PROX2: variants seen among roughly 807,000 people sequenced by gnomAD.
PROX2 encodes prospero homeobox protein 2.
In PROX2, 46 loss-of-function variants were observed where a neutral mutation model predicts 48.9. The observed-to-expected ratio is 0.94, with a 90% confidence interval of 0.74 to 1.20. The LOEUF is 1.20. Ranked by LOEUF, PROX2 falls within the 50% of genes most tolerant of loss-of-function variation. The pLI, the probability that PROX2 is intolerant of heterozygous loss-of-function variation, is 0.00. For missense variants in PROX2, 663 were observed against 719.4 expected, an observed-to-expected ratio of 0.92 and a Z score of 0.90; for synonymous variants, 260 against 276.6, an observed-to-expected ratio of 0.94 and a Z score of 0.60.
At chr14:74,857,308 G>T (rs1479923372) in intron 4 of PROX2, 7 of 221,396 alleles carry the variant, frequency 3.2e-5, no homozygotes, top group Non-Finnish European at 6.3e-5. Context: ...GACCAGTGTG[G>T]TGCCAGATTT....
At chr14:74,873,684 A>G in intron 1 of PROX2, 1 of 375,854 alleles carries the variant, frequency 2.7e-6, no homozygotes, top group Admixed American at 3.0e-5. Flanking sequence ...AAAAAACAAA[A>G]TGAAGGAATT....
chr14:74,868,316 TATA>T, intron 2 of PROX2, among the ~76,000 whole-genome samples: 1 of 9,866 alleles, frequency 1.0e-4, no homozygotes, highest in Non-Finnish European at 1.8e-4. Context: ...CTCGTAATTA[TATA>T]TATATATATA....
At chr14:74,855,347 G>T in intron 5 of PROX2, 45 bp from the exon 6 acceptor site, 1 of 1,461,840 alleles carries the variant, frequency 6.8e-7, no homozygotes, top group Non-Finnish European at 9.2e-7. Context: ...ACGTGAGGTT[G>T]GGAAGCACTG....
intron 3 of PROX2, among the ~76,000 whole-genome samples, chr14:74,859,629 A>T (rs568484463): frequency 6.2e-4 from 94 of 152,242 alleles, no homozygotes; most frequent in Non-Finnish European, 1.1e-3. Flanking sequence ...ATTTTTAGGG[A>T]CAGTCCTTAG....
chr14:74,866,683 T>C (rs775160637), intron 2 of PROX2, among the ~76,000 whole-genome samples: 3 of 152,084 alleles, frequency 2.0e-5, no homozygotes, highest in African/African-American at 4.8e-5. Flanking sequence ...AAAAGCCTGA[T>C]TGACGTGGAT....
In PROX2 at chr14:74,863,276, C is replaced by A. The variant is rs1264059646; in HGVS notation, c.559G>T (p.Val187Phe). The change falls in exon 3 of 6, where the codon GTT becomes TTT. Residue 187 changes from valine (V) to phenylalanine (F), a missense_variant. Coordinates refer to ENST00000556489, the MANE Select transcript of PROX2 (RefSeq NM_001243007.2). ...QGNGCGPRPWVVDGDHQQGTS... is the reference protein window; with the variant it reads ...QGNGCGPRPWFVDGDHQQGTS... ...CCTTGCTGGTGGTCACCGTCCACAA[C>A]CCAGGGGCGAGGCCCACAGCCATTC... The A allele has an allele frequency of 6.2e-7, 1 of 1,613,828 alleles. No homozygotes were observed. Among genetic ancestry groups the A allele is most frequent in the Middle Eastern group, 1.6e-4 (1 of 6,084 alleles).
Position 74,868,828 on chromosome 14 carries a change from T to TC in PROX2, c.-175+2274dup, listed in dbSNP as rs756488796. 1.8e-3 allele frequency among the ~76,000 whole-genome samples: 204 copies of TC among 116,262 alleles called. 1 individual carries two copies. Among genetic ancestry groups the TC allele is most frequent in the Non-Finnish European group, 2.8e-3 (162 of 57,742 alleles). The allele number at this position is 116,262 out of a possible 152,430, so 76.3% of individuals were successfully genotyped here. On this transcript the variant is annotated intron_variant, in intron 2 of 5. Transcript: ENST00000556489. ...ACTCCAACCTGGGCGACAGCGAGAC[T>TC]CCGTCTCAAAAAAAAAAAAAATAAG...
rs966650962 is a variant in PROX2 at position 74,854,220 on chromosome 14, A to T, written c.*912T>A. ...CAATTGCAATGGTCAGCTGGAGACT[A>T]TTTGCATTATCCAGCTGATAAACTC... On this transcript the variant is annotated 3_prime_UTR_variant, in exon 6 of 6. Transcript: ENST00000556489. 2.2e-6 allele frequency: 1 copy of T among 453,930 alleles called. No individual in the cohort carries two copies. The highest frequency in any genetic ancestry group is 3.3e-4 in the Middle Eastern group (1 of 3,062). The allele number at this position is 453,930 out of a possible 1,614,324, so 28.1% of individuals were successfully genotyped here. A position where few individuals can be genotyped will look rare whatever the true frequency, so the allele number is the denominator to read the frequency against.
intron 1 of PROX2, among the ~76,000 whole-genome samples, chr14:74,875,297 C>T (rs1883313679): frequency 6.6e-6 from 1 of 152,160 alleles, no homozygotes; most frequent in African/African-American, 2.4e-5. Flanking sequence ...AGGGAAATGT[C>T]ACAGGCTAGC....
At chr14:74,859,630 C>A (rs190484815) in intron 3 of PROX2, among the ~76,000 whole-genome samples, 334 of 152,332 alleles carry the variant, frequency 2.2e-3, no homozygotes, top group African/African-American at 7.8e-3. Context: ...TTTTTAGGGA[C>A]AGTCCTTAGG....
At position 74,854,393 on chromosome 14, in the gene PROX2, C is replaced by T. The variant is rs1003852546; in HGVS notation, c.*739G>A. On this transcript the variant is annotated 3_prime_UTR_variant, in exon 6 of 6. Coordinates refer to ENST00000556489, the MANE Select transcript of PROX2 (RefSeq NM_001243007.2). ...TTGTCAGGTGACGGTGCCCTGTCAGCGCTGGATGCTTACTAGGGGTGGGGT... is the reference window on the plus strand; with the variant it reads ...TTGTCAGGTGACGGTGCCCTGTCAGTGCTGGATGCTTACTAGGGGTGGGGT... 15 of 301,842 alleles carry T rather than the reference C, an allele frequency of 5.0e-5. No homozygotes were observed. Among genetic ancestry groups the T allele is most frequent in the African/African-American group, 2.0e-4 (9 of 44,756 alleles). 18.7% of individuals were successfully genotyped at this position (301,842 alleles called of 1,614,324 possible). A position where few individuals can be genotyped will look rare whatever the true frequency, so the allele number is the denominator to read the frequency against.
At chr14:74,873,281 C>G (rs976312983) in intron 1 of PROX2, among the ~76,000 whole-genome samples, 1 of 152,204 alleles carries the variant, frequency 6.6e-6, no homozygotes, top group African/African-American at 2.4e-5. Flanking sequence ...GCCACCGCGC[C>G]CAGCCCTTTG....
chr14:74,854,951 T>G lies in PROX2; in HGVS notation c.*181A>C. 1 of 424,686 alleles carries G rather than the reference T, an allele frequency of 2.4e-6. No homozygotes were observed. Among genetic ancestry groups the G allele is most frequent in the Non-Finnish European group, 4.2e-6 (1 of 240,464 alleles). The allele number at this position is 424,686 out of a possible 1,614,324, so 26.3% of individuals were successfully genotyped here. On this transcript the variant is annotated 3_prime_UTR_variant, in exon 6 of 6. Transcript: ENST00000556489. The stretch of plus-strand genomic sequence containing the variant: ...CCAATATAGTTAGTACATTTTATAG[T>G]TAAATTTCTGATGATTCTGGAAAGG...
intron 1 of PROX2, among the ~76,000 whole-genome samples, chr14:74,873,477 G>T (rs941083143): frequency 1.3e-5 from 2 of 152,136 alleles, no homozygotes; most frequent in East Asian, 3.9e-4. Context: ...TCCTAGGGGG[G>T]GTTCAGGAGC....
At chr14:74,864,705 A>C (rs2091829219) in intron 2 of PROX2, among the ~76,000 whole-genome samples, 1 of 151,994 alleles carries the variant, frequency 6.6e-6, no homozygotes, top group South Asian at 2.1e-4. Context: ...GCTGGGCGTG[A>C]TGGCGGGCGC....
In PROX2 at chr14:74,856,874, AT is replaced by A. The variant is rs1566777653; in HGVS notation, c.1534del (p.Met512CysfsTer36). 1 of 1,614,008 alleles carries A rather than the reference AT, an allele frequency of 6.2e-7. No homozygotes were observed. Among genetic ancestry groups the A allele is most frequent in the South Asian group, 1.1e-5 (1 of 91,086 alleles). ...TTCTGAATTGCGGAGAACCACCAGC[AT>A]TTTGGGATTTGTGACACCATCTGAA... is the stretch of plus-strand genomic sequence containing the variant. ...AISDGVTNPK[M>X]LVVLRNSELF... On this transcript the variant is annotated frameshift_variant, in exon 5 of 6. Coordinates refer to ENST00000556489, the MANE Select transcript of PROX2 (RefSeq NM_001243007.2). LOFTEE classifies it high-confidence loss of function.
intron 1 of PROX2, among the ~76,000 whole-genome samples, 192 bp from the exon 2 acceptor site, chr14:74,871,429 T>C (rs1179546781): frequency 6.6e-6 from 1 of 152,146 alleles, no homozygotes; most frequent in Non-Finnish European, 1.5e-5. Flanking sequence ...ACATAGGATT[T>C]TATAGCTGGA....
intron 2 of PROX2, among the ~76,000 whole-genome samples, chr14:74,867,982 T>C (rs1402846178): frequency 6.6e-6 from 1 of 152,204 alleles, no homozygotes; most frequent in Non-Finnish European, 1.5e-5. Flanking sequence ...AGGAAACCTC[T>C]GTGCTGAGGC....
chr14:74,861,707 G>T (rs2091796076), intron 3 of PROX2, among the ~76,000 whole-genome samples: 1 of 152,130 alleles, frequency 6.6e-6, no homozygotes, highest in Admixed American at 6.6e-5. Flanking sequence ...TTAAACTGGA[G>T]ACCTCTGGCC....
Sources: gnomAD v4.1 joint callset for allele counts (sites outside exome capture counted in the v4.1 genomes callset) on GRCh38, gnomAD v4.1.1 for gene constraint, MANE v1.5 for transcripts, NCBI Gene and HGNC (gene_info 2026-07-23, HGNC 2026-07-21) for gene names.